Variants in ESRRG observed in about 807,000 individuals in gnomAD.
ESRRG encodes the protein estrogen related receptor gamma.
Under a neutral mutation model 44.0 loss-of-function variants are expected in ESRRG, and 13 were observed. The observed-to-expected ratio is 0.30, with a 90% CI of 0.19 to 0.47. The LOEUF is 0.47. Ranked by LOEUF, ESRRG falls within the 20% of genes least tolerant of loss-of-function variation. The pLI, the probability that ESRRG is intolerant of heterozygous loss-of-function variation, is 1.00. For synonymous variants in ESRRG, 215 were observed against 214.6 expected (o/e 1.00, Z -0.02); for missense variants, 395 against 580.6 (o/e 0.68, Z 3.29).
At chr1:217,119,534 A>G (rs2092790564) in intron 1 of ESRRG, among the ~76,000 whole-genome samples, 1 of 152,232 alleles carries the variant, frequency 6.6e-6, no homozygotes, top group African/African-American at 2.4e-5. Context: ...TTTCTTTTGT[A>G]TCCACAATCC....
At chr1:216,917,704 C>G (rs1373619942) in intron 2 of ESRRG, among the ~76,000 whole-genome samples, 1 of 152,186 alleles carries the variant, frequency 6.6e-6, no homozygotes. Flanking sequence ...CAGAACCTGG[C>G]ATTGTGTGTT....
chr1:217,092,802 A>G (rs573893397), upstream of ESRRG, among the ~76,000 whole-genome samples: 3 of 152,336 alleles, frequency 2.0e-5, no homozygotes, highest in East Asian at 5.8e-4. Context: ...GCATTAATTG[A>G]CATAAAATTG....
intron 5 of ESRRG, among the ~76,000 whole-genome samples, chr1:216,545,890 C>T (rs2054352968): frequency 6.6e-6 from 1 of 152,064 alleles, no homozygotes; most frequent in Non-Finnish European, 1.5e-5. Context: ...AAAATATACC[C>T]TGTCTGCTCT....
rs761022477 is a variant in ESRRG, at chr1:216,858,273, TA to T, written c.-14+81308del. ...TAACACGGTGAAACCCTGTCTCTACTAAAAAAAAAAAAAATTAGCCAGGCGT... is the reference window on the plus strand; with the variant it reads ...TAACACGGTGAAACCCTGTCTCTACTAAAAAAAAAAAAATTAGCCAGGCGT... On this transcript the variant is annotated intron_variant, in intron 2 of 7. Transcript: ENST00000359162. 7.7e-3 allele frequency among the ~76,000 whole-genome samples: 1,080 copies of T among 140,978 alleles called. 4 individuals are homozygous for T. The highest frequency in any genetic ancestry group is 0.011 in the African/African-American group (425 of 38,544). 92.5% of individuals were successfully genotyped at this position (140,978 alleles called of 152,430 possible).
chr1:217,134,676 C>T (rs1297796795), intron 1 of ESRRG, among the ~76,000 whole-genome samples: 1 of 152,254 alleles, frequency 6.6e-6, no homozygotes, highest in African/African-American at 2.4e-5. Flanking sequence ...CGCCTGGCTG[C>T]GGCTCCGAGC....
intron 1 of ESRRG, among the ~76,000 whole-genome samples, chr1:217,109,037 A>G (rs1262602877): frequency 6.6e-6 from 1 of 152,190 alleles, no homozygotes; most frequent in East Asian, 1.9e-4. Flanking sequence ...ACATGTGTTG[A>G]AACTGTGGTA....
chr1:216,729,067 G>A (rs1436367908), intron 2 of ESRRG, among the ~76,000 whole-genome samples: 1 of 152,194 alleles, frequency 6.6e-6, no homozygotes, highest in Non-Finnish European at 1.5e-5. Flanking sequence ...ATGAGGCTTT[G>A]TACTGGAGTC....
intron 1 of ESRRG, among the ~76,000 whole-genome samples, chr1:216,975,944 C>T (rs1423568442): frequency 7.9e-5 from 12 of 152,096 alleles, no homozygotes; most frequent in African/African-American, 2.9e-4. Context: ...GGTCTTGACC[C>T]ATGACAAAGA....
chr1:217,020,312 T>G (rs1226233358), intron 1 of ESRRG, among the ~76,000 whole-genome samples: 3 of 152,184 alleles, frequency 2.0e-5, no homozygotes, highest in Non-Finnish European at 4.4e-5. Context: ...GTGGAGTTTG[T>G]AAAATACTCA....
intron 1 of ESRRG, among the ~76,000 whole-genome samples, chr1:217,133,036 A>G (rs2092987298): frequency 6.6e-6 from 1 of 152,168 alleles, no homozygotes; most frequent in Non-Finnish European, 1.5e-5. Flanking sequence ...CTTCCTATCT[A>G]GAGCCCCAGA....
chr1:217,049,561 A>G (rs1422182929), intron 1 of ESRRG, among the ~76,000 whole-genome samples: 2 of 152,242 alleles, frequency 1.3e-5, no homozygotes, highest in African/African-American at 4.8e-5. Flanking sequence ...GCAGTCATAT[A>G]GCAGAGAAGA....
rs146295863 is a variant in ESRRG, at chr1:216,526,754, A to T, written c.863-7333T>A. 5.3e-5 allele frequency among the ~76,000 whole-genome samples: 8 copies of T among 152,302 alleles called. No individual in the cohort carries two copies. In the East Asian group the frequency reaches 1.5e-3, roughly 29 times the overall value. On this transcript the variant is annotated intron_variant, in intron 5 of 6. Transcript: ENST00000408911. ...TAATTCAGAATAACAAACCGAGCTA[A>T]TCATGAAGCACAAGGCTGTCTGGGT... is the stretch of plus-strand genomic sequence containing the variant.
At chr1:216,611,582 G>A (rs1398926549) in intron 3 of ESRRG, among the ~76,000 whole-genome samples, 2 of 151,964 alleles carry the variant, frequency 1.3e-5, no homozygotes, top group South Asian at 2.1e-4. Context: ...CAGTATTGAC[G>A]GAACATGAAC....
intron 2 of ESRRG, among the ~76,000 whole-genome samples, chr1:216,880,304 C>CTAAAA (rs2096424364): frequency 3.4e-5 from 1 of 29,022 alleles, no homozygotes; most frequent in Non-Finnish European, 5.7e-5. Flanking sequence ...GCCTCCCTCT[C>CTAAAA]AAAAAAAAAA....
At chr1:216,859,357 C>T (rs571226276) in intron 2 of ESRRG, among the ~76,000 whole-genome samples, 91 of 152,290 alleles carry the variant, frequency 6.0e-4, no homozygotes, top group Non-Finnish European at 1.0e-3. Context: ...CCAACAGACT[C>T]CTTCAATTCA....
At chr1:216,632,278 C>G (rs894831489) in intron 3 of ESRRG, among the ~76,000 whole-genome samples, 14 of 152,294 alleles carry the variant, frequency 9.2e-5, no homozygotes, top group African/African-American at 3.1e-4. Flanking sequence ...TATTTTCTTT[C>G]ACTCATCTGT....
At chr1:216,873,180 G>T (rs2096281832) in intron 2 of ESRRG, among the ~76,000 whole-genome samples, 1 of 150,062 alleles carries the variant, frequency 6.7e-6, no homozygotes, top group South Asian at 2.1e-4. Context: ...CTCCACTGGG[G>T]AGCCCAGGAG....
intron 2 of ESRRG, among the ~76,000 whole-genome samples, chr1:216,866,561 CTTTCTT>C (rs560366258): frequency 0.012 from 1,438 of 115,728 alleles, 17 homozygotes; most frequent in African/African-American, 0.067. Context: ...TTGTTTCTTT[CTTTCTT>C]TTTTTTTTTA....
At chr1:217,065,588 G>A (rs576379326) in intron 1 of ESRRG, among the ~76,000 whole-genome samples, 1 of 152,318 alleles carries the variant, frequency 6.6e-6, no homozygotes, top group South Asian at 2.1e-4. Flanking sequence ...AAAGGTGACA[G>A]CCACAGGTGG....
Sources: gnomAD v4.1 joint callset for allele counts (sites outside exome capture counted in the v4.1 genomes callset) on GRCh38, gnomAD v4.1.1 for gene constraint, MANE v1.5 for transcripts, NCBI Gene and HGNC (gene_info 2026-07-23, HGNC 2026-07-21) for gene names.